The following MARCHF8 variants were observed in gnomAD, a reference collection of about 807,000 sequenced individuals.
MARCHF8 encodes the protein membrane associated ring-CH-type finger 8, also known as E3 ubiquitin-protein ligase MARCHF8.
A neutral mutation model predicts 51.6 loss-of-function variants in MARCHF8; 40 were observed. The observed-to-expected ratio is 0.77, with a 90% confidence interval of 0.60 to 1.01. The LOEUF (loss-of-function observed/expected upper bound fraction) is 1.01, where lower values mean the gene tolerates loss of function less well. MARCHF8 is among the 50% of genes least tolerant of loss of function. The pLI is 0.00. For synonymous variants in MARCHF8, 263 were observed against 280.3 expected, an observed-to-expected ratio of 0.94 and a Z score of 0.62; for missense variants, 685 against 708.6, an observed-to-expected ratio of 0.97 and a Z score of 0.38.
intron 1 of MARCHF8, among the ~76,000 whole-genome samples, chr10:45,567,397 T>G (rs562862385): frequency 6.6e-6 from 1 of 152,228 alleles, no homozygotes; most frequent in Admixed American, 6.5e-5. Context: ...CTTGTAGTAG[T>G]TTCATAGTTT....
chr10:45,514,624 T>C (rs2043589284), intron 2 of MARCHF8, among the ~76,000 whole-genome samples: 2 of 152,210 alleles, frequency 1.3e-5, no homozygotes, highest in Non-Finnish European at 2.9e-5. Flanking sequence ...TAGCAACCAA[T>C]TTCACCTCTG....
chr10:45,569,566 T>C (rs1402403832), intron 1 of MARCHF8, among the ~76,000 whole-genome samples: 1 of 152,210 alleles, frequency 6.6e-6, no homozygotes, highest in Non-Finnish European at 1.5e-5. Context: ...GTTTTCTTTT[T>C]TTGATGTGTG....
At chr10:45,461,881 C>T (rs1337799024) in intron 5 of MARCHF8, 1 of 152,360 alleles carries the variant, frequency 6.6e-6, no homozygotes, top group Non-Finnish European at 1.5e-5. Context: ...CACAACTACA[C>T]ATTTCTGTCG....
chr10:45,480,478 G>GA (rs34621549), intron 3 of MARCHF8, among the ~76,000 whole-genome samples: 55 of 150,790 alleles, frequency 3.6e-4, no homozygotes, highest in South Asian at 1.3e-3. Flanking sequence ...GGACTAGGAG[G>GA]AAAAAAAAAT....
At chr10:45,462,619 T>TG (rs919357555) in intron 5 of MARCHF8, among the ~76,000 whole-genome samples, 15 of 148,384 alleles carry the variant, frequency 1.0e-4, no homozygotes, top group Admixed American at 2.1e-4. Context: ...CCTCTTTTTT[T>TG]TTTTGTTTTG....
chr10:45,556,223 G>C (rs891709660), intron 1 of MARCHF8, among the ~76,000 whole-genome samples: 1 of 152,104 alleles, frequency 6.6e-6, no homozygotes, highest in Non-Finnish European at 1.5e-5. Flanking sequence ...CCTATCAACC[G>C]AATGTAATGT....
At chr10:45,475,401 TC>T (rs2042769017) in intron 3 of MARCHF8, among the ~76,000 whole-genome samples, 1 of 139,868 alleles carries the variant, frequency 7.1e-6, no homozygotes, top group South Asian at 2.2e-4. Context: ...CCTGAATGCA[TC>T]CCCGGGGGGG....
chr10:45,535,019 A>G (rs2043951847), intron 1 of MARCHF8, among the ~76,000 whole-genome samples, 192 bp downstream of exon 1: 1 of 152,246 alleles, frequency 6.6e-6, no homozygotes, highest in Non-Finnish European at 1.5e-5. Context: ...GTTTTACAGT[A>G]AGTGAGTGAC....
chr10:45,484,023 T>C (rs191359781), intron 3 of MARCHF8, among the ~76,000 whole-genome samples: 1 of 152,272 alleles, frequency 6.6e-6, no homozygotes, highest in East Asian at 1.9e-4. Flanking sequence ...GTTAACAATA[T>C]ATTATATACT....
At chr10:45,483,887 G>A (rs1564477180) in intron 3 of MARCHF8, among the ~76,000 whole-genome samples, 1 of 152,296 alleles carries the variant, frequency 6.6e-6, no homozygotes. Flanking sequence ...GGTACTAGAG[G>A]CTGGGAAGGG....
intron 2 of MARCHF8, among the ~76,000 whole-genome samples, chr10:45,525,895 T>C (rs2043784158): frequency 6.6e-6 from 1 of 152,172 alleles, no homozygotes; most frequent in Admixed American, 6.5e-5. Flanking sequence ...TCTGAGAAAC[T>C]GTCATAGCCA....
rs918829640 is a variant in MARCHF8, at chr10:45,551,919, A to G, written c.-78-18630T>C. Reference sequence around the variant, plus strand: ...TTTGCAGAACTCTGACTGATACAATATATCACATAGTTTAGATCATTCCTT... The same window carrying G: ...TTTGCAGAACTCTGACTGATACAATGTATCACATAGTTTAGATCATTCCTT... On this transcript the variant is annotated intron_variant, in intron 1 of 6. Coordinates refer to the MARCHF8 transcript ENST00000319836. Among the ~76,000 whole-genome samples, 5 of 152,260 alleles carry G rather than the reference A, an allele frequency of 3.3e-5. 1 individual carries two copies. Among genetic ancestry groups the G allele is most frequent in the South Asian group, 4.1e-4 (2 of 4,826 alleles).
intron 1 of MARCHF8, among the ~76,000 whole-genome samples, chr10:45,590,022 T>C (rs1460155700): frequency 6.6e-6 from 1 of 152,236 alleles, no homozygotes; most frequent in Non-Finnish European, 1.5e-5. Flanking sequence ...CAGTTTACAT[T>C]CCAACATGTA....
chr10:45,588,905 G>A (rs1564525707), intron 1 of MARCHF8, among the ~76,000 whole-genome samples: 1 of 150,538 alleles, frequency 6.6e-6, no homozygotes. Flanking sequence ...GGCTGAGGCA[G>A]GGAGACTGGC....
In MARCHF8 at chr10:45,471,000, T is replaced by C. The variant is rs2132982833; in HGVS notation, c.154-6673A>G. Among the ~76,000 whole-genome samples, 2 of 152,282 alleles carry C rather than the reference T, an allele frequency of 1.3e-5. 1 individual carries two copies. The highest frequency in any genetic ancestry group is 2.9e-5 in the Non-Finnish European group (2 of 68,014). On this transcript the variant is annotated intron_variant, in intron 3 of 7. Coordinates refer to ENST00000453424, the MANE Select transcript of MARCHF8 (RefSeq NM_001282866.2). ...CTTTTCTGTGGCTTGCTCTGATAAATACATGTTGACTCTTATGAAGGGCTG... is the reference window on the plus strand; with the variant it reads ...CTTTTCTGTGGCTTGCTCTGATAAACACATGTTGACTCTTATGAAGGGCTG...
At chr10:45,586,790 T>G (rs1466483307) in intron 1 of MARCHF8, among the ~76,000 whole-genome samples, 1 of 152,066 alleles carries the variant, frequency 6.6e-6, no homozygotes, top group Non-Finnish European at 1.5e-5. Flanking sequence ...TTTTTACCGA[T>G]TTTGCAATTT....
intron 3 of MARCHF8, among the ~76,000 whole-genome samples, chr10:45,484,354 G>A (rs745346096): frequency 3.9e-5 from 6 of 152,162 alleles, no homozygotes; most frequent in Non-Finnish European, 7.3e-5. Context: ...AGGATGGCTC[G>A]TGGGCCCACA....
intron 1 of MARCHF8, among the ~76,000 whole-genome samples, chr10:45,575,697 A>T (rs2044482169): frequency 6.6e-6 from 1 of 152,238 alleles, no homozygotes; most frequent in African/African-American, 2.4e-5. Flanking sequence ...ATAAGACTAC[A>T]GGAATGTTAG....
intron 3 of MARCHF8, among the ~76,000 whole-genome samples, chr10:45,483,716 T>C (rs1225478276): frequency 3.3e-5 from 5 of 152,184 alleles, no homozygotes; most frequent in Admixed American, 6.5e-5. Flanking sequence ...ATATACACAA[T>C]GAAATACTAT....
Sources: allele counts gnomAD v4.1 joint callset (sites outside exome capture counted in the v4.1 genomes callset), GRCh38; gene constraint gnomAD v4.1.1; transcripts MANE v1.5; gene names NCBI Gene and HGNC (gene_info 2026-07-23, HGNC 2026-07-21).